The following ANO9 variants were observed in gnomAD, a reference collection of about 807,000 sequenced individuals.
ANO9 encodes anoctamin 9.
In ANO9, 80 loss-of-function variants were observed where a neutral mutation model predicts 100.5. The observed-to-expected ratio is 0.80, with a 90% CI of 0.66 to 0.96. The LOEUF is 0.96. Among genes scored for constraint, ANO9 ranks in the 40% least tolerant of loss-of-function variants. The pLI, the probability that ANO9 is intolerant of heterozygous loss-of-function variation, is 0.00. For missense variants in ANO9, 1,064 were observed against 1,072.7 expected (o/e 0.99, Z 0.11); for synonymous variants, 473 against 435.6 (o/e 1.09, Z -1.07).
At chr11:419,782 T>A (rs1848063225) in intron 19 of ANO9, 53 bp from the exon 20 acceptor site, 5 of 1,592,786 alleles carry the variant, frequency 3.1e-6, no homozygotes, top group African/African-American at 1.3e-5. Context: ...CGGCTGGTTC[T>A]GCCCTCACCC....
intron 1 of ANO9, among the ~76,000 whole-genome samples, 188 bp from the exon 2 acceptor site, chr11:434,286 C>T (rs1275963424): frequency 2.0e-5 from 3 of 152,136 alleles, no homozygotes; most frequent in African/African-American, 4.8e-5. Context: ...AAACAACCGA[C>T]GAAGGACTGT....
intron 3 of ANO9, 62 bp downstream of exon 3, chr11:433,753 T>A: frequency 1.3e-6 from 2 of 1,494,048 alleles, no homozygotes; most frequent in Non-Finnish European, 1.8e-6. Flanking sequence ...CCCATGGCCC[T>A]GCCCCTCGCT....
In ANO9 at chr11:428,805, T is replaced by C. The variant is rs1356039891; in HGVS notation, c.937A>G (p.Ile313Val). 6.8e-6 allele frequency: 11 copies of C among 1,613,032 alleles called. No homozygotes were observed. Among genetic ancestry groups the C allele is most frequent in the Non-Finnish European group, 8.5e-6 (10 of 1,179,926 alleles). ...EEQEEMALQL[I>V]NCPDYKLRPY... ...CGGAGCTTGTAGTCGGGGCAGTTAA[T>C]GAGCTGAAGTGCCATTTCCTCCTGG... Residue 313 changes from isoleucine to valine, a missense_variant, in exon 12 of 23, where the codon ATT becomes GTT. Transcript: ENST00000332826.
chr11:418,560 G>A lies in ANO9; in HGVS notation c.2160C>T (p.Ala720=), dbSNP rs375331821. 18 of 1,613,002 alleles carry A rather than the reference G, an allele frequency of 1.1e-5. No individual in the cohort carries two copies. Among genetic ancestry groups the A allele is most frequent in the South Asian group, 4.4e-5 (4 of 91,084 alleles). The change falls in exon 23 of 23, where the codon GCC becomes GCT. Residue 720 remains alanine (A), a synonymous_variant. Transcript: ENST00000332826. ...GAGGGATGTCGGGCACGAACCAGGC[G>A]GCGATGAGCTTGATGCACAAGGCCA... is the stretch of plus-strand genomic sequence containing the variant. ...EHVALCIKLI[A]AWFVPDIPQS...
At chr11:437,852 A>G (rs566574338) in intron 1 of ANO9, among the ~76,000 whole-genome samples, 2 of 152,320 alleles carry the variant, frequency 1.3e-5, no homozygotes, top group South Asian at 4.1e-4. Flanking sequence ...TCCTCTGCCC[A>G]GAACCCCAGC....
chr11:428,629 A>G lies in ANO9; in HGVS notation c.1031T>C (p.Met344Thr), dbSNP rs1323713029. The G allele has an allele frequency of 1.9e-6, 3 of 1,611,786 alleles. No homozygotes were observed. In the Admixed American group the frequency reaches 5.0e-5, roughly 27 times the overall value. The change falls in exon 13 of 23, where the codon ATG becomes ACG. Residue 344 changes from methionine to threonine, a missense_variant. By Grantham distance (81) the Met-to-Thr change is moderately conservative. Coordinates refer to ENST00000332826, the MANE Select transcript of ANO9 (RefSeq NM_001012302.3). ...LVLTLLMICL[M>T]IGMAHVLVVY... Reference sequence around the variant, plus strand: ...CACCAGGACGTGGGCCATGCCGATCATGAGGCAGATCTGCGGGACAGCTGT... The same window carrying G: ...CACCAGGACGTGGGCCATGCCGATCGTGAGGCAGATCTGCGGGACAGCTGT...
chr11:426,738 C>T (rs1848542681), intron 15 of ANO9, among the ~76,000 whole-genome samples: 1 of 152,106 alleles, frequency 6.6e-6, no homozygotes, highest in Non-Finnish European at 1.5e-5. Flanking sequence ...CCCCAGGAAG[C>T]CTCGGGACTT....
chr11:419,344 G>C, intron 20 of ANO9: 10 of 1,412,798 alleles, frequency 7.1e-6, no homozygotes, highest in Non-Finnish European at 9.2e-6. Flanking sequence ...TCAGGAGGCA[G>C]CCAGGTCTGG....
chr11:428,742 G>C lies in ANO9; in HGVS notation c.1000C>G (p.Leu334Val), dbSNP rs757965623. The change falls in exon 12 of 23, where the codon CTC becomes GTC. Residue 334 changes from leucine to valine, a missense_variant. Leu to Val is a conservative substitution (Grantham distance 32). Transcript: ENST00000332826. The part of the protein sequence containing the change: ...QHSYLRSTVI[L>V]VLTLLMICLM... ...CGTACCATGAGCAGGGTCAGGACGA[G>C]GATGACGGTGCTGCGTAGGTAGGAG... 4 of 1,613,366 alleles carry C rather than the reference G, an allele frequency of 2.5e-6. No individual in the cohort carries two copies. Among genetic ancestry groups the C allele is most frequent in the Non-Finnish European group, 3.4e-6 (4 of 1,179,960 alleles).
At chr11:425,658 A>G (rs918803451) in intron 15 of ANO9, among the ~76,000 whole-genome samples, 24 of 151,996 alleles carry the variant, frequency 1.6e-4, no homozygotes, top group African/African-American at 4.6e-4. Context: ...GAAAAAAAAT[A>G]CAATGATCAG....
At chr11:419,906 C>T (rs7484182) in intron 19 of ANO9, 177 bp from the exon 20 acceptor site, 1,158,453 of 1,427,516 alleles carry the variant, frequency 0.81, 470,779 homozygotes, top group East Asian at 1. Context: ...ATGGCCTCTG[C>T]GCTCCTGCAC....
chr11:428,080 G>A lies in ANO9; in HGVS notation c.1334+8C>T, dbSNP rs368370867. On this transcript the variant is annotated splice_region_variant and intron_variant, in intron 15 of 22. Coordinates refer to ENST00000332826, the MANE Select transcript of ANO9 (RefSeq NM_001012302.3). ...GTTGGGTTGGAGGGAGCCTGGCGCC[G>A]GCCCTACCTGCCCAGGATGAAGGCG... is the stretch of plus-strand genomic sequence containing the variant. The A allele has an allele frequency of 4.1e-5, 65 of 1,590,244 alleles. 1 individual carries two copies. In the Middle Eastern group the frequency reaches 2.3e-3, roughly 57 times the overall value.
At chr11:428,662 G>C in intron 12 of ANO9, 23 bp from the exon 13 acceptor site, 1 of 1,611,592 alleles carries the variant, frequency 6.2e-7, no homozygotes, top group South Asian at 1.1e-5. Context: ...TGTGGTGGGC[G>C]GGGGCCGGGG....
chr11:436,916 G>T (rs560115011), intron 1 of ANO9, among the ~76,000 whole-genome samples: 1 of 3,180 alleles, frequency 3.1e-4, no homozygotes, highest in Non-Finnish European at 4.7e-4. Flanking sequence ...GGGGGTGAGC[G>T]GGGGGTGAGC....
rs757493532 is a variant in ANO9 at position 420,893 on chromosome 11, A to AG, written c.1491-34dup. 7 of 1,585,074 alleles carry AG rather than the reference A, an allele frequency of 4.4e-6. No homozygotes were observed. In the East Asian group the frequency reaches 1.6e-4, roughly 36 times the overall value. On this transcript the variant is annotated intron_variant, in intron 17 of 22. Transcript: ENST00000332826. ...GAGAGCTGCGTGGCAGGGAGGGCGC[A>AG]GGGGGCGGAGGGGCCTGGGGCTCCC...
At chr11:427,878 G>T (rs1477780425) in intron 15 of ANO9, among the ~76,000 whole-genome samples, 1 of 150,542 alleles carries the variant, frequency 6.6e-6, no homozygotes, top group Non-Finnish European at 1.5e-5. Context: ...AAAAGCCTGG[G>T]AGGCCACCAG....
rs1054094379 is a variant in ANO9 at position 421,420 on chromosome 11, C to T, written c.1335-222G>A. ...GGAGGCCACAGGCTCCCAGATGAAC[C>T]GCACCCACACGTGGGCGCGCGCACA... On this transcript the variant is annotated intron_variant, in intron 15 of 22. Coordinates refer to ENST00000332826, the MANE Select transcript of ANO9 (RefSeq NM_001012302.3). The surrounding 1 kb of genome is among the most constrained non-coding windows in gnomAD (Gnocchi z 6.8). 11 of 422,996 alleles carry T rather than the reference C, an allele frequency of 2.6e-5. No individual in the cohort carries two copies. The highest frequency in any genetic ancestry group is 6.4e-5 in the African/African-American group (3 of 46,540). 26.2% of individuals were successfully genotyped at this position (422,996 alleles called of 1,614,324 possible). A position where few individuals can be genotyped will look rare whatever the true frequency, so the allele number is the denominator to read the frequency against.
intron 8 of ANO9, 26 bp downstream of exon 8, chr11:430,243 C>G: frequency 1.3e-6 from 2 of 1,553,554 alleles, no homozygotes; most frequent in Non-Finnish European, 1.7e-6. Context: ...CCCGGCCCCC[C>G]ATGCCCGGCC....
intron 1 of ANO9, among the ~76,000 whole-genome samples, chr11:438,101 A>G (rs1403562532): frequency 1.3e-5 from 2 of 152,054 alleles, no homozygotes; most frequent in African/African-American, 4.8e-5. Context: ...TCCCCACCAA[A>G]GACACCGTGC....
Sources: gnomAD v4.1 joint callset for allele counts (sites outside exome capture counted in the v4.1 genomes callset) on GRCh38, gnomAD v4.1.1 for gene constraint, Gnocchi (gnomAD v3.1) non-coding constraint, MANE v1.5 for transcripts, NCBI Gene and HGNC (gene_info 2026-07-23, HGNC 2026-07-21) for gene names.